The following MTOR variants were observed in gnomAD, a reference collection of about 807,000 sequenced individuals.
MTOR encodes the protein serine/threonine-protein kinase mTOR.
In MTOR, 70 loss-of-function variants were observed where a neutral mutation model predicts 319.8. That is an observed-to-expected ratio of 0.22 (90% CI 0.18 to 0.27). MTOR has a LOEUF of 0.27. Among genes scored for constraint, MTOR ranks in the 10% least tolerant of loss-of-function variants. MTOR has a pLI of 1.00. For synonymous variants in MTOR, 1,183 were observed against 1,211.4 expected (o/e 0.98, Z 0.49); for missense variants, 1,890 against 3,274.4 (o/e 0.58, Z 10.32).
At chr1:11,144,496 A>G in intron 34 of MTOR, 152 bp downstream of exon 34, 2 of 590,458 alleles carry the variant, frequency 3.4e-6, no homozygotes, top group Non-Finnish European at 6.0e-6. Context: ...GGAGCCTTTG[A>G]GTATTCTGCT....
chr1:11,250,174 G>T (rs1470409678), intron 6 of MTOR, among the ~76,000 whole-genome samples: 1 of 142,888 alleles, frequency 7.0e-6, no homozygotes. Flanking sequence ...CGGGCGGGGG[G>T]CTGACCCCCC....
At chr1:11,200,629 G>A (rs1645930512) in intron 26 of MTOR, among the ~76,000 whole-genome samples, 1 of 152,182 alleles carries the variant, frequency 6.6e-6, no homozygotes, top group Non-Finnish European at 1.5e-5. Flanking sequence ...AACAGGTTAA[G>A]TTAGACCAAT....
intron 19 of MTOR, among the ~76,000 whole-genome samples, chr1:11,225,360 C>T (rs897895838): frequency 3.6e-4 from 55 of 150,774 alleles, no homozygotes; most frequent in Non-Finnish European, 7.4e-5. Context: ...CATTCTAACA[C>T]AATTTTTTTT....
chr1:11,146,829 T>C (rs1643945874), intron 31 of MTOR, 38 bp from the exon 32 acceptor site: 3 of 1,505,200 alleles, frequency 2.0e-6, no homozygotes, highest in African/African-American at 2.8e-5. Flanking sequence ...ATCAAGGGGG[T>C]TGGCTGGTTG....
chr1:11,140,444 G>A (rs1169949301), intron 34 of MTOR, among the ~76,000 whole-genome samples: 1 of 152,174 alleles, frequency 6.6e-6, no homozygotes, highest in Non-Finnish European at 1.5e-5. Flanking sequence ...TGTGGCTGCC[G>A]ATCTGACAGG....
intron 10 of MTOR, among the ~76,000 whole-genome samples, chr1:11,241,351 G>A (rs1647999468): frequency 6.6e-6 from 1 of 151,540 alleles, no homozygotes; most frequent in African/African-American, 2.4e-5. Context: ...ATGAGGCTCG[G>A]GGAAATTAAA....
intron 28 of MTOR, among the ~76,000 whole-genome samples, chr1:11,183,566 T>C (rs1313048766): frequency 1.3e-5 from 2 of 152,272 alleles, no homozygotes; most frequent in Non-Finnish European, 2.9e-5. Flanking sequence ...ATTCTCTTCA[T>C]TGTGTCTTCC....
chr1:11,257,090 G>T lies in MTOR; in HGVS notation c.347C>A (p.Pro116His). Residue 116 changes from proline to histidine, a missense_variant, in exon 4 of 58, where the codon CCC becomes CAC. This residue lies in a region of MTOR where 81 missense variants were observed against 203.6 expected (regional missense o/e 0.40). Coordinates refer to ENST00000361445, the MANE Select transcript of MTOR (RefSeq NM_004958.4). ...TTCCATGACAACTGGGTCATTGGAG[G>T]GGAGGAGGTTCCGAAGATAGTTGGC... The part of the protein sequence containing the change: ...RFANYLRNLL[P>H]SNDPVVMEMA... 1 of 1,614,150 alleles carries T rather than the reference G, an allele frequency of 6.2e-7. No homozygotes were observed.
rs145587941 is a variant in MTOR at position 11,159,038 on chromosome 1, C to A, written c.4330-1747G>T. Among the ~76,000 whole-genome samples, 48 of 152,290 alleles carry A rather than the reference C, an allele frequency of 3.2e-4. No individual in the cohort carries two copies. The East Asian group carries it at 6.2e-3, about 20-fold the overall frequency. ...GCAATAATCCTGGAGCTAATGGCCA[C>A]CTTTGGAACCTGAAGATGGAGAAAG... On this transcript the variant is annotated intron_variant, in intron 29 of 57. Transcript: ENST00000361445.
At chr1:11,148,781 C>T (rs1471785869) in intron 31 of MTOR, among the ~76,000 whole-genome samples, 1 of 152,026 alleles carries the variant, frequency 6.6e-6, no homozygotes, top group Non-Finnish European at 1.5e-5. Flanking sequence ...TGCCTGGAAT[C>T]CCAGCTACTC....
At chr1:11,145,176 A>G (rs1643891803) in intron 32 of MTOR, 131 bp from the exon 33 acceptor site, 1 of 766,806 alleles carries the variant, frequency 1.3e-6, no homozygotes, top group Admixed American at 2.6e-5. Flanking sequence ...AATTCGCTGA[A>G]GAAGGGCATT....
At position 11,243,132 on chromosome 1, in the gene MTOR, G is replaced by A. The variant is rs982274920; in HGVS notation, c.1394C>T (p.Pro465Leu). ...VLDIIRAALP[P>L]KDFAHKRQKA... ...TGCTTACTTATGGGCGAAGTCCTTT[G>A]GGGGCAGGGCCGCTCGGATGATGTC... Residue 465 changes from proline to leucine, a missense_variant, in exon 9 of 58, where the codon CCA (proline) becomes CTA (leucine). Physicochemically the swap from Pro to Leu is moderately conservative, Grantham distance 98. Coordinates refer to ENST00000361445, the MANE Select transcript of MTOR (RefSeq NM_004958.4). 8.1e-6 allele frequency: 13 copies of A among 1,613,968 alleles called. No homozygotes were observed. The highest frequency in any genetic ancestry group is 1.1e-5 in the Non-Finnish European group (13 of 1,180,028).
intron 29 of MTOR, among the ~76,000 whole-genome samples, chr1:11,160,448 T>C (rs537519520): frequency 7.9e-5 from 12 of 152,260 alleles, no homozygotes; most frequent in African/African-American, 2.9e-4. Context: ...TTCCTAAGTA[T>C]CTAATGAGGA....
chr1:11,167,635 G>C lies in MTOR; in HGVS notation c.4254-118C>G, dbSNP rs1018038202. ...TTGAGGACAATGTCTTGCAGATGCT[G>C]AAAGAGTATCAATTATCTATTACCA... On this transcript the variant is annotated intron_variant, in intron 28 of 57. Transcript: ENST00000361445. The C allele has an allele frequency of 4.1e-5, 31 of 747,292 alleles. No homozygotes were observed. In the East Asian group the frequency reaches 6.5e-4, roughly 16 times the overall value. The allele number at this position is 747,292 out of a possible 1,614,324, so 46.3% of individuals were successfully genotyped here. A position where few individuals can be genotyped will look rare whatever the true frequency, so the allele number is the denominator to read the frequency against.
chr1:11,243,540 T>C (rs1255414284), intron 8 of MTOR, among the ~76,000 whole-genome samples: 2 of 151,698 alleles, frequency 1.3e-5, no homozygotes, highest in Non-Finnish European at 2.9e-5. Flanking sequence ...AAATAAAAAT[T>C]AGCCAGGTGT....
chr1:11,258,203 C>G (rs1650676163), intron 3 of MTOR, among the ~76,000 whole-genome samples: 1 of 152,058 alleles, frequency 6.6e-6, no homozygotes, highest in South Asian at 2.1e-4. Flanking sequence ...ACTGAGGAAG[C>G]AGAGCCCACA....
At chr1:11,254,084 T>C in intron 5 of MTOR, 111 bp from the exon 6 acceptor site, 2 of 1,209,830 alleles carry the variant, frequency 1.7e-6, no homozygotes, top group South Asian at 2.7e-5. Context: ...GCCTGCTCAG[T>C]GCCTAGTGCC....
intron 28 of MTOR, among the ~76,000 whole-genome samples, chr1:11,176,217 C>A (rs1448040122): frequency 6.6e-6 from 1 of 152,230 alleles, no homozygotes; most frequent in Admixed American, 6.5e-5. Flanking sequence ...CACGGCTCCA[C>A]AGGCTTCTGG....
chr1:11,107,602 G>C, intron 57 of MTOR, 102 bp from the exon 58 acceptor site: 1 of 1,285,370 alleles, frequency 7.8e-7, no homozygotes, highest in South Asian at 1.3e-5. Flanking sequence ...GACAACCCTA[G>C]GGTATTCCCT....
Sources: allele counts gnomAD v4.1 joint callset (sites outside exome capture counted in the v4.1 genomes callset), GRCh38; gene constraint gnomAD v4.1.1; regional missense constraint gnomAD v4.1.1; transcripts MANE v1.5; gene names NCBI Gene and HGNC (gene_info 2026-07-23, HGNC 2026-07-21).